The following JARID2 variants were observed in gnomAD, a reference collection of about 807,000 sequenced individuals.
The protein encoded by JARID2 is jumonji and AT-rich interaction domain containing 2.
A neutral mutation model predicts 125.6 loss-of-function variants in JARID2; 21 were observed. The observed-to-expected ratio is 0.17, with a 90% CI of 0.12 to 0.24. The LOEUF is 0.24. Among genes scored for constraint, JARID2 ranks in the 10% least tolerant of loss-of-function variants. JARID2 has a pLI of 1.00. For synonymous variants in JARID2, 736 were observed against 661.6 expected (o/e 1.11, Z -1.73); for missense variants, 1,303 against 1,639.6 (o/e 0.79, Z 3.55).
At chr6:15,507,306 C>T in intron 10 of JARID2, 40 bp from the exon 11 acceptor site, 2 of 1,605,294 alleles carry the variant, frequency 1.2e-6, no homozygotes, top group Non-Finnish European at 1.7e-6. Context: ...TGCATCCTTT[C>T]CCCGCCAGTT....
intron 1 of JARID2, among the ~76,000 whole-genome samples, chr6:15,280,518 T>A (rs1393358235): frequency 6.6e-6 from 1 of 152,180 alleles, no homozygotes. Context: ...TTGTTGGTAG[T>A]AATCTTAAAA....
chr6:15,386,509 G>C (rs550249749), intron 2 of JARID2, among the ~76,000 whole-genome samples: 1 of 152,098 alleles, frequency 6.6e-6, no homozygotes, highest in Non-Finnish European at 1.5e-5. Flanking sequence ...TGTTTGTTTA[G>C]AGACAGAGTC....
chr6:15,511,212 C>A, intron 12 of JARID2, 84 bp from the exon 13 acceptor site: 1 of 939,072 alleles, frequency 1.1e-6, no homozygotes. Context: ...TGCTCGGGTC[C>A]CTGAGGGTGA....
intron 1 of JARID2, among the ~76,000 whole-genome samples, chr6:15,271,798 A>T (rs1338546431): frequency 6.6e-6 from 1 of 152,168 alleles, no homozygotes; most frequent in Non-Finnish European, 1.5e-5. Flanking sequence ...CCAGGAGTTA[A>T]AGACAATCCT....
chr6:15,290,841 C>T (rs963955760), intron 1 of JARID2, among the ~76,000 whole-genome samples: 3 of 152,178 alleles, frequency 2.0e-5, no homozygotes, highest in Non-Finnish European at 4.4e-5. Context: ...AGTATGGTCT[C>T]GATCTGCTGA....
At chr6:15,437,382 C>G (rs1767252702) in intron 3 of JARID2, among the ~76,000 whole-genome samples, 1 of 152,152 alleles carries the variant, frequency 6.6e-6, no homozygotes, top group South Asian at 2.1e-4. Context: ...CCAGCTGAAT[C>G]ACACCATGAA....
intron 1 of JARID2, among the ~76,000 whole-genome samples, chr6:15,263,223 C>G (rs1399528600): frequency 6.6e-6 from 1 of 151,948 alleles, no homozygotes; most frequent in Non-Finnish European, 1.5e-5. Flanking sequence ...AAACACTGGT[C>G]ACACGTGCTT....
At chr6:15,512,088 C>T in intron 13 of JARID2, 120 bp from the exon 14 acceptor site, 1 of 798,732 alleles carries the variant, frequency 1.3e-6, no homozygotes, top group East Asian at 2.7e-5. Context: ...TTTTATTTTC[C>T]ACATAAAACA....
intron 1 of JARID2, among the ~76,000 whole-genome samples, chr6:15,259,919 A>C (rs542871861): frequency 3.1e-4 from 47 of 152,262 alleles, no homozygotes; most frequent in Non-Finnish European, 5.1e-4. Flanking sequence ...CAGTCAGATT[A>C]AACTGTGGAC....
At chr6:15,471,365 A>G (rs1769069094) in intron 5 of JARID2, among the ~76,000 whole-genome samples, 1 of 152,164 alleles carries the variant, frequency 6.6e-6, no homozygotes, top group Non-Finnish European at 1.5e-5. Flanking sequence ...AAGGAATTTA[A>G]TTTTCTAGGT....
chr6:15,375,216 C>G (rs1764307080), intron 2 of JARID2, among the ~76,000 whole-genome samples: 5 of 152,324 alleles, frequency 3.3e-5, no homozygotes, highest in Admixed American at 3.3e-4. Flanking sequence ...CACAGCAGTA[C>G]CTGTTGCTGC....
intron 3 of JARID2, among the ~76,000 whole-genome samples, chr6:15,451,519 C>A (rs1170759673): frequency 6.6e-6 from 1 of 152,032 alleles, no homozygotes; most frequent in Non-Finnish European, 1.5e-5. Context: ...ACACTGATGG[C>A]TAAATAGGCA....
intron 3 of JARID2, among the ~76,000 whole-genome samples, chr6:15,412,952 T>C (rs1765946344): frequency 2.0e-5 from 3 of 151,938 alleles, no homozygotes; most frequent in Non-Finnish European, 4.4e-5. Flanking sequence ...GCTGGTTTTT[T>C]TACTTGCGAG....
chr6:15,317,187 C>T (rs1033019998), intron 1 of JARID2, among the ~76,000 whole-genome samples: 1 of 152,062 alleles, frequency 6.6e-6, no homozygotes, highest in Non-Finnish European at 1.5e-5. Flanking sequence ...CTTCCTGTCC[C>T]TCTGTGAAAT....
chr6:15,518,622 C>T (rs563041409), intron 17 of JARID2, among the ~76,000 whole-genome samples: 16 of 152,212 alleles, frequency 1.1e-4, no homozygotes, highest in Non-Finnish European at 1.9e-4. Flanking sequence ...GCTGGGATTA[C>T]AGGTGCCCGC....
Position 15,252,459 on chromosome 6 carries a change from A to G in JARID2, c.45+5875A>G, listed in dbSNP as rs143994805. ...CTGGACTCCCTGTCTGCTTCATGCC[A>G]TGTAACATGTAAAGTGTGGATCAGT... On this transcript the variant is annotated intron_variant, in intron 1 of 17. Transcript: ENST00000341776. 1.7e-3 allele frequency among the ~76,000 whole-genome samples: 260 copies of G among 152,316 alleles called. 1 individual carries two copies. The highest frequency in any genetic ancestry group is 5.7e-3 in the African/African-American group (239 of 41,576).
intron 1 of JARID2, among the ~76,000 whole-genome samples, chr6:15,355,043 A>G (rs947155348): frequency 3.9e-5 from 6 of 152,328 alleles, no homozygotes; most frequent in African/African-American, 1.4e-4. Flanking sequence ...AGAGCACTAT[A>G]TGAACCCTCC....
chr6:15,309,926 A>C (rs1761958632), intron 1 of JARID2, among the ~76,000 whole-genome samples: 1 of 152,212 alleles, frequency 6.6e-6, no homozygotes. Context: ...TATTTTCTCC[A>C]GGAAACGTGT....
At chr6:15,441,291 A>T (rs560183833) in intron 3 of JARID2, among the ~76,000 whole-genome samples, 13 of 152,282 alleles carry the variant, frequency 8.5e-5, no homozygotes, top group African/African-American at 2.9e-4. Context: ...GCGTTGATAG[A>T]CCTACTTTCT....
Sources: allele counts gnomAD v4.1 joint callset (sites outside exome capture counted in the v4.1 genomes callset), GRCh38; gene constraint gnomAD v4.1.1; transcripts MANE v1.5; gene names NCBI Gene and HGNC (gene_info 2026-07-23, HGNC 2026-07-21).